DBT: variants seen among roughly 807,000 people sequenced by gnomAD.
DBT encodes dihydrolipoamide branched chain transacylase E2, also known as lipoamide acyltransferase component of branched-chain alpha-keto acid dehydrogenase complex, mitochondrial.
Under a neutral mutation model 51.3 loss-of-function variants are expected in DBT, and 40 were observed. The observed-to-expected ratio is 0.78, with a 90% CI of 0.61 to 1.02. DBT has a LOEUF of 1.02. Among genes scored for constraint, DBT ranks in the 50% least tolerant of loss-of-function variants. The pLI, the probability that DBT is intolerant of heterozygous loss-of-function variation, is 0.00. For missense variants in DBT, 510 were observed against 580.2 expected (o/e 0.88, Z 1.24); for synonymous variants, 181 against 190.4 (o/e 0.95, Z 0.41).
In DBT at chr1:100,191,727, T is replaced by A. The variant is rs1025925272; in HGVS notation, c.*4528A>T. ...AGACAAAAGGTCTCCTGGGGGTGTGTGTATATATATGTGTGTGTGTATACA... is the reference window on the plus strand; with the variant it reads ...AGACAAAAGGTCTCCTGGGGGTGTGAGTATATATATGTGTGTGTGTATACA... On this transcript the variant is annotated 3_prime_UTR_variant, in exon 11 of 11. Transcript: ENST00000370132. The A allele has an allele frequency of 6.6e-6, 1 of 150,962 alleles. No individual in the cohort carries two copies. The highest frequency in any genetic ancestry group is 1.5e-5 in the Non-Finnish European group (1 of 67,900). 9.4% of individuals were successfully genotyped at this position (150,962 alleles called of 1,614,324 possible). A position where few individuals can be genotyped will look rare whatever the true frequency, so the allele number is the denominator to read the frequency against.
intron 3 of DBT, among the ~76,000 whole-genome samples, chr1:100,233,149 A>C (rs921961321): frequency 4.6e-5 from 7 of 152,144 alleles, no homozygotes; most frequent in Admixed American, 2.6e-4. Flanking sequence ...CTGTAATCTC[A>C]GGAGTTTGAG....
intron 7 of DBT, chr1:100,213,538 G>C (rs1033659474): frequency 1.5e-5 from 24 of 1,557,690 alleles, no homozygotes; most frequent in Non-Finnish European, 2.1e-5. Flanking sequence ...CCGTCTGCAG[G>C]GTCGGGGGGC....
Position 100,190,929 on chromosome 1 carries a change from A to G in DBT, c.*5326T>C, listed in dbSNP as rs1340902689. The G allele has an allele frequency of 1.3e-5, 2 of 152,206 alleles. No homozygotes were observed. The highest frequency in any genetic ancestry group is 2.9e-5 in the Non-Finnish European group (2 of 68,034). 9.4% of individuals were successfully genotyped at this position (152,206 alleles called of 1,614,324 possible). A position where few individuals can be genotyped will look rare whatever the true frequency, so the allele number is the denominator to read the frequency against. ...GCATGCGCTGTAGAATTTGGAAGGCATTTGTTTCAGACTAATCTGGTAATC... is the reference window on the plus strand; with the variant it reads ...GCATGCGCTGTAGAATTTGGAAGGCGTTTGTTTCAGACTAATCTGGTAATC... On this transcript the variant is annotated 3_prime_UTR_variant, in exon 11 of 11. Coordinates refer to ENST00000370132, the MANE Select transcript of DBT (RefSeq NM_001918.5).
At chr1:100,196,543 A>G in intron 10 of DBT, 121 bp from the exon 11 acceptor site, 1 of 1,433,634 alleles carries the variant, frequency 7.0e-7, no homozygotes, top group East Asian at 2.5e-5. Context: ...CCTGTACAGT[A>G]CAGAAAAAAA....
chr1:100,204,752 CAG>C (rs1661664503), intron 10 of DBT, among the ~76,000 whole-genome samples: 1 of 152,124 alleles, frequency 6.6e-6, no homozygotes. Flanking sequence ...GGTACCAAAA[CAG>C]AGAGATAGAC....
intron 4 of DBT, 65 bp downstream of exon 4, chr1:100,230,668 G>T: frequency 1.3e-5 from 13 of 992,796 alleles, no homozygotes; most frequent in Non-Finnish European, 1.8e-5. Context: ...ACTTTTAATT[G>T]GGACCCAATG....
intron 2 of DBT, among the ~76,000 whole-genome samples, chr1:100,237,544 G>A (rs990260005): frequency 1.3e-5 from 2 of 152,202 alleles, no homozygotes; most frequent in African/African-American, 4.8e-5. Flanking sequence ...TGGCAGGAGT[G>A]TGGTAGATGG....
rs1660615617 is a variant in DBT at position 100,187,465 on chromosome 1, TGCAAAC to T, written c.*8784_*8789del. ...AAAACTTTTTACACACATAATCCTG[TGCAAAC>T]TATGTAATACTTTGTTTGTAGGATA... On this transcript the variant is annotated 3_prime_UTR_variant, in exon 11 of 11. Transcript: ENST00000370132. The T allele has an allele frequency of 6.6e-6, 1 of 152,214 alleles. No homozygotes were observed. Among genetic ancestry groups the T allele is most frequent in the Admixed American group, 6.5e-5 (1 of 15,284 alleles). The allele number at this position is 152,214 out of a possible 1,614,324, so 9.4% of individuals were successfully genotyped here.
chr1:100,224,786 G>A lies in DBT; in HGVS notation c.433+5947C>T, dbSNP rs1663072416. 2.6e-5 allele frequency among the ~76,000 whole-genome samples: 4 copies of A among 151,780 alleles called. No individual in the cohort carries two copies. The South Asian group carries it at 8.3e-4, about 32-fold the overall frequency. The stretch of plus-strand genomic sequence containing the variant: ...AATCCCAGCACTTTGGGAGGCCGAG[G>A]TGGGCAGATCATAAGGTCAGGAGAT... On this transcript the variant is annotated intron_variant, in intron 4 of 10. Coordinates refer to ENST00000370132, the MANE Select transcript of DBT (RefSeq NM_001918.5).
intron 7 of DBT, chr1:100,213,372 C>T (rs1662273794): frequency 1.9e-6 from 3 of 1,545,990 alleles, no homozygotes; most frequent in African/African-American, 1.4e-5. Context: ...GCGTGAGGCC[C>T]GCACGGCTAC....
chr1:100,215,718 A>T (rs961237157), intron 6 of DBT, among the ~76,000 whole-genome samples: 6 of 152,146 alleles, frequency 3.9e-5, no homozygotes, highest in African/African-American at 1.4e-4. Context: ...GATACTCAGG[A>T]GGCTGAGGCA....
At position 100,191,931 on chromosome 1, in the gene DBT, T is replaced by C. The variant is rs1288048454; in HGVS notation, c.*4324A>G. On this transcript the variant is annotated 3_prime_UTR_variant, in exon 11 of 11. Coordinates refer to ENST00000370132, the MANE Select transcript of DBT (RefSeq NM_001918.5). ...CCTGAGTAGGTGGCACACAGGTGCA[T>C]GTCACTTCATCGGCCTAATTTTTTT... 4 of 151,678 alleles carry C rather than the reference T, an allele frequency of 2.6e-5. No individual in the cohort carries two copies. The East Asian group carries it at 5.8e-4, about 22-fold the overall frequency. 9.4% of individuals were successfully genotyped at this position (151,678 alleles called of 1,614,324 possible).
intron 4 of DBT, among the ~76,000 whole-genome samples, chr1:100,220,249 C>T (rs568898241): frequency 3.0e-3 from 437 of 147,462 alleles, no homozygotes; most frequent in African/African-American, 0.01. Context: ...TCTCAGGCTA[C>T]TAGCATATAT....
chr1:100,246,277 A>G (rs1240704121), intron 1 of DBT, among the ~76,000 whole-genome samples: 1 of 152,204 alleles, frequency 6.6e-6, no homozygotes, highest in Non-Finnish European at 1.5e-5. Context: ...AAAATAAAAA[A>G]TTAATAATTC....
At chr1:100,213,373 G>GCAC in intron 7 of DBT, 1 of 1,546,342 alleles carries the variant, frequency 6.5e-7, no homozygotes, top group East Asian at 2.4e-5. Context: ...CGTGAGGCCC[G>GCAC]CACGGCTACG....
chr1:100,199,697 C>T (rs1247905631), intron 10 of DBT, among the ~76,000 whole-genome samples: 2 of 152,056 alleles, frequency 1.3e-5, no homozygotes, highest in Non-Finnish European at 2.9e-5. Context: ...CTGAGGTACC[C>T]GGTTCATCTC....
At chr1:100,224,335 A>G (rs1663036940) in intron 4 of DBT, among the ~76,000 whole-genome samples, 1 of 152,206 alleles carries the variant, frequency 6.6e-6, no homozygotes, top group Admixed American at 6.5e-5. Flanking sequence ...AAAGATACAT[A>G]AAATATTTAG....
In DBT at chr1:100,196,162, CAATAT is replaced by C; in HGVS notation, c.*88_*92del. ...TTAATCATACGATACAAATCATTTA[CAATAT>C]AAATTGTAAAGATGAACATGTGCTG... On this transcript the variant is annotated 3_prime_UTR_variant, in exon 11 of 11. Coordinates refer to ENST00000370132, the MANE Select transcript of DBT (RefSeq NM_001918.5). 9.3e-7 allele frequency: 1 copy of C among 1,079,328 alleles called. No individual in the cohort carries two copies. Among genetic ancestry groups the C allele is most frequent in the Non-Finnish European group, 1.4e-6 (1 of 700,214 alleles). 66.9% of individuals were successfully genotyped at this position (1,079,328 alleles called of 1,614,324 possible).
intron 1 of DBT, among the ~76,000 whole-genome samples, chr1:100,248,151 C>T (rs10127954): frequency 1.3e-5 from 2 of 151,222 alleles, no homozygotes; most frequent in African/African-American, 4.9e-5. Flanking sequence ...TTGTGCTAGC[C>T]GGGGCCATGT....
Sources: allele counts gnomAD v4.1 joint callset (sites outside exome capture counted in the v4.1 genomes callset), GRCh38; gene constraint gnomAD v4.1.1; transcripts MANE v1.5; gene names NCBI Gene and HGNC (gene_info 2026-07-23, HGNC 2026-07-21).